The following SOX13 variants were observed in gnomAD, a reference collection of about 807,000 sequenced individuals.
SOX13 encodes SRY-box transcription factor 13.
In SOX13, 28 loss-of-function variants were observed where a neutral mutation model predicts 71.8. The observed-to-expected ratio is 0.39, with a 90% CI of 0.29 to 0.53. The LOEUF (loss-of-function observed/expected upper bound fraction) is 0.53, where lower values mean the gene tolerates loss of function less well. Among genes scored for constraint, SOX13 ranks in the 20% least tolerant of loss-of-function variants. The pLI, the probability that SOX13 is intolerant of heterozygous loss-of-function variation, is 0.70. For synonymous variants in SOX13, 309 were observed against 317.8 expected (o/e 0.97, Z 0.29); for missense variants, 627 against 810.3 (o/e 0.77, Z 2.75).
At chr1:204,099,702 T>G (rs1430228062) in intron 1 of SOX13, among the ~76,000 whole-genome samples, 2 of 152,070 alleles carry the variant, frequency 1.3e-5, no homozygotes, top group African/African-American at 2.4e-5. Flanking sequence ...TGTGTGCCAC[T>G]GCGCCCAGTC....
intron 1 of SOX13, among the ~76,000 whole-genome samples, chr1:204,098,742 A>T (rs562427587): frequency 8.7e-4 from 132 of 151,988 alleles, no homozygotes; most frequent in Non-Finnish European, 1.6e-3. Flanking sequence ...ATGTAAGGGG[A>T]GTCAGGGTCT....
chr1:204,101,749 G>T (rs962646022), intron 1 of SOX13, among the ~76,000 whole-genome samples: 7 of 152,116 alleles, frequency 4.6e-5, no homozygotes, highest in African/African-American at 1.7e-4. Flanking sequence ...GGTGTAAAGA[G>T]GTTAAGTCTC....
At chr1:204,120,822 G>A (rs1272834004) in intron 7 of SOX13, among the ~76,000 whole-genome samples, 1 of 152,190 alleles carries the variant, frequency 6.6e-6, no homozygotes, top group Non-Finnish European at 1.5e-5. Context: ...GCTGGGCCTG[G>A]GAGTGAGGTA....
In SOX13 at chr1:204,123,875, C is replaced by T; in HGVS notation, c.1375+71C>T. 2 of 1,547,522 alleles carry T rather than the reference C, an allele frequency of 1.3e-6. No individual in the cohort carries two copies. Among genetic ancestry groups the T allele is most frequent in the East Asian group, 4.5e-5 (2 of 44,064 alleles). ...AGGAGCCAGCTGGGTCTATTCAGGG[C>T]TTGCTTGGTGATATTCCATACTGTG... is the stretch of plus-strand genomic sequence containing the variant. On this transcript the variant is annotated intron_variant, in intron 12 of 13. Coordinates refer to ENST00000367204, the MANE Select transcript of SOX13 (RefSeq NM_005686.3). This position sits in a 1 kb window ranked among gnomAD's most constrained non-coding sequence, Gnocchi z 5.0.
At chr1:204,079,026 C>G (rs1456676955) in intron 1 of SOX13, among the ~76,000 whole-genome samples, 1 of 152,170 alleles carries the variant, frequency 6.6e-6, no homozygotes, top group Non-Finnish European at 1.5e-5. Context: ...GGGCCGGGCA[C>G]GGTGGCTCAC....
intron 4 of SOX13, chr1:204,116,180 A>C: frequency 7.8e-7 from 1 of 1,289,800 alleles, no homozygotes; most frequent in Non-Finnish European, 1.0e-6. Flanking sequence ...ATGGTTGTCC[A>C]CCCTGACCCT....
chr1:204,109,357 G>C (rs770796542), intron 1 of SOX13, among the ~76,000 whole-genome samples: 7 of 152,192 alleles, frequency 4.6e-5, no homozygotes. Flanking sequence ...GTCAACGACC[G>C]AACACATATA....
intron 1 of SOX13, among the ~76,000 whole-genome samples, chr1:204,087,073 A>G (rs1343305322): frequency 6.6e-6 from 1 of 152,064 alleles, no homozygotes; most frequent in Non-Finnish European, 1.5e-5. Context: ...ACAGGCACCC[A>G]CCACCAGGCC....
chr1:204,087,175 G>GCCTC (rs1387489506), intron 1 of SOX13, among the ~76,000 whole-genome samples: 1 of 152,230 alleles, frequency 6.6e-6, no homozygotes, highest in African/African-American at 2.4e-5. Flanking sequence ...GCCCGCCTCG[G>GCCTC]CCTCCCAAAA....
Position 204,122,249 on chromosome 1 carries a change from C to T in SOX13, c.874C>T (p.Pro292Ser), listed in dbSNP as rs750657743. Residue 292 changes from proline to serine, a missense_variant, in exon 9 of 14, where the codon CCC becomes TCC. Coordinates refer to ENST00000367204, the MANE Select transcript of SOX13 (RefSeq NM_005686.3). ...GGGTCTCCCTCAGGAGCCCTCCCAG[C>T]CCCTGAACCTCACAGCCAAGCCCAA... ...THHPLQEPSQ[P>S]LNLTAKPKAP... The T allele has an allele frequency of 5.7e-6, 9 of 1,585,086 alleles. No individual in the cohort carries two copies. The highest frequency in any genetic ancestry group is 7.7e-6 in the Non-Finnish European group (9 of 1,166,156).
At chr1:204,121,829 G>A in intron 7 of SOX13, 71 bp from the exon 8 acceptor site, 1 of 1,074,672 alleles carries the variant, frequency 9.3e-7, no homozygotes, top group Non-Finnish European at 1.4e-6. Context: ...GTGGTGCTGG[G>A]ACCTCGTCAA....
chr1:204,109,142 C>T (rs1656528422), intron 1 of SOX13, among the ~76,000 whole-genome samples: 1 of 152,184 alleles, frequency 6.6e-6, no homozygotes, highest in Non-Finnish European at 1.5e-5. Context: ...CCTGGGGTCT[C>T]TTCTCTTCTC....
rs1015847544 is a variant in SOX13 at position 204,121,973 on chromosome 1, C to G, written c.849C>G (p.His283Gln). The change falls in exon 8 of 14, where the codon CAC (histidine) becomes CAG (glutamine). Residue 283 changes from histidine (H) to glutamine (Q), a missense_variant. By Grantham distance (24) the His-to-Gln change is conservative. Around this residue, in one of 3 missense-constraint regions of SOX13, gnomAD observed 447 missense variants for 532.2 expected, o/e 0.84. Transcript: ENST00000367204. ...AGAGGCCTGGGGCCATGGCCACCCA[C>G]CACCCCCTGCAGGTACCGCCCTCTA... Reference protein sequence around the residue: ...VVKRPGAMATHHPLQEPSQPL... With the variant: ...VVKRPGAMATQHPLQEPSQPL... 1 of 1,605,588 alleles carries G rather than the reference C, an allele frequency of 6.2e-7. No individual in the cohort carries two copies. Among genetic ancestry groups the G allele is most frequent in the Non-Finnish European group, 8.5e-7 (1 of 1,172,828 alleles).
At chr1:204,110,612 G>A (rs1436360838) in intron 1 of SOX13, among the ~76,000 whole-genome samples, 3 of 151,968 alleles carry the variant, frequency 2.0e-5, no homozygotes, top group Non-Finnish European at 4.4e-5. Flanking sequence ...TGAATCCATG[G>A]ATGTGGAACC....
chr1:204,085,409 C>G (rs940262854), intron 1 of SOX13, among the ~76,000 whole-genome samples: 2 of 152,158 alleles, frequency 1.3e-5, no homozygotes, highest in African/African-American at 2.4e-5. Context: ...TTAAAAGATG[C>G]CTGTTATTGT....
At chr1:204,111,735 G>T (rs1183984993) in intron 1 of SOX13, among the ~76,000 whole-genome samples, 6 of 143,576 alleles carry the variant, frequency 4.2e-5, no homozygotes, top group South Asian at 2.2e-4. Flanking sequence ...AAAGAGATGG[G>T]AGTCTCATTA....
In SOX13 at chr1:204,124,698, C is replaced by T. The variant is rs376126578; in HGVS notation, c.1433C>T (p.Ala478Val). ...AAGCAGCCCTACTATGAGGAACAGG[C>T]GCGGCTGAGCCGGCAGCACCTGGAG... ...QEKQPYYEEQARLSRQHLEKY... is the reference protein window; with the variant it reads ...QEKQPYYEEQVRLSRQHLEKY... Residue 478 changes from alanine to valine, a missense_variant, in exon 13 of 14, where the codon GCG (alanine) becomes GTG (valine). By Grantham distance (64) the Ala-to-Val change is moderately conservative. This residue lies in a region of SOX13 where 32 missense variants were observed against 85.4 expected (regional missense o/e 0.37). Coordinates refer to ENST00000367204, the MANE Select transcript of SOX13 (RefSeq NM_005686.3). 31 of 1,613,432 alleles carry T rather than the reference C, an allele frequency of 1.9e-5. No individual in the cohort carries two copies. The highest frequency in any genetic ancestry group is 2.4e-5 in the Non-Finnish European group (28 of 1,179,726).
rs1469210046 is a variant in SOX13 at position 204,122,863 on chromosome 1, G to A, written c.1034G>A (p.Gly345Asp). 1 of 1,559,772 alleles carries A rather than the reference G, an allele frequency of 6.4e-7. No homozygotes were observed. The highest frequency in any genetic ancestry group is 1.2e-5 in the South Asian group (1 of 84,558). The change falls in exon 10 of 14, where the codon GGT becomes GAT. Residue 345 changes from glycine to aspartate, a missense_variant. Transcript: ENST00000367204. ...SPPSLPLGFL[G>D]EGDAVTKAIQ... ...CTGCCCTCTCCCACAGGCTTCCTTG[G>A]TGAAGGGGACGCTGTCACCAAAGCC... is the stretch of plus-strand genomic sequence containing the variant.
chr1:204,117,764 A>G (rs1188915728), intron 7 of SOX13, 57 bp downstream of exon 7: 8 of 1,180,960 alleles, frequency 6.8e-6, no homozygotes, highest in East Asian at 2.5e-5. Flanking sequence ...AGGTCAGGGA[A>G]AGCGCCCTGG....
Sources: allele counts gnomAD v4.1 joint callset (sites outside exome capture counted in the v4.1 genomes callset), GRCh38; gene constraint gnomAD v4.1.1; regional missense constraint gnomAD v4.1.1; non-coding constraint Gnocchi (gnomAD v3.1); transcripts MANE v1.5; gene names NCBI Gene and HGNC (gene_info 2026-07-23, HGNC 2026-07-21).